The following CAMKMT variants were observed in gnomAD, a reference collection of about 807,000 sequenced individuals.
CAMKMT encodes calmodulin-lysine N-methyltransferase.
A neutral mutation model predicts 48.0 loss-of-function variants in CAMKMT; 53 were observed. The ratio of observed to expected loss-of-function variants is 1.10; its 90% CI spans 0.89 to 1.39. CAMKMT has a LOEUF of 1.39. CAMKMT is among the 40% of genes most tolerant of loss of function. CAMKMT has a pLI of 0.00. For missense variants in CAMKMT, 428 were observed against 402.7 expected (o/e 1.06, Z -0.54); for synonymous variants, 165 against 152.3 (o/e 1.08, Z -0.61).
chr2:44,551,051 C>A (rs141362089), intron 3 of CAMKMT, among the ~76,000 whole-genome samples: 54 of 152,272 alleles, frequency 3.5e-4, no homozygotes, highest in African/African-American at 1.3e-3. Flanking sequence ...TAAAAAGTCT[C>A]ATCTATTCTA....
chr2:44,761,658 G>A (rs567817754), intron 9 of CAMKMT, among the ~76,000 whole-genome samples: 2 of 152,334 alleles, frequency 1.3e-5, no homozygotes, highest in East Asian at 3.9e-4. Flanking sequence ...AGTGATGCAG[G>A]TAGGGGGATG....
At chr2:44,495,992 T>A (rs1332994606) in intron 3 of CAMKMT, among the ~76,000 whole-genome samples, 1 of 152,218 alleles carries the variant, frequency 6.6e-6, no homozygotes, top group Non-Finnish European at 1.5e-5. Flanking sequence ...CAGTGAATAA[T>A]CCTTAAATAC....
intron 2 of CAMKMT, among the ~76,000 whole-genome samples, chr2:44,375,826 C>A (rs1166243862): frequency 6.6e-6 from 1 of 151,746 alleles, no homozygotes; most frequent in Non-Finnish European, 1.5e-5. Context: ...CAATCTGTCA[C>A]CCAGGCTGGA....
chr2:44,365,452 A>C (rs1238038387), intron 1 of CAMKMT, among the ~76,000 whole-genome samples: 1 of 152,226 alleles, frequency 6.6e-6, no homozygotes, highest in Admixed American at 6.5e-5. Context: ...TGATGAATCA[A>C]TATCAGTAGA....
chr2:44,669,669 G>A (rs959913940), intron 3 of CAMKMT, among the ~76,000 whole-genome samples: 1 of 151,298 alleles, frequency 6.6e-6, no homozygotes, highest in Non-Finnish European at 1.5e-5. Context: ...ACAGGGTCTC[G>A]CTCTGTCACC....
At chr2:44,466,636 C>G (rs1023489941) in intron 3 of CAMKMT, among the ~76,000 whole-genome samples, 1 of 151,576 alleles carries the variant, frequency 6.6e-6, no homozygotes, top group African/African-American at 2.4e-5. Context: ...AATCCCGAAG[C>G]TAGTAGAAGG....
At chr2:44,591,263 TA>T (rs1252771013) in intron 3 of CAMKMT, among the ~76,000 whole-genome samples, 4 of 152,122 alleles carry the variant, frequency 2.6e-5, no homozygotes, top group Non-Finnish European at 5.9e-5. Flanking sequence ...ATATGAACTT[TA>T]AAGTAGTTTT....
intron 3 of CAMKMT, among the ~76,000 whole-genome samples, chr2:44,656,635 C>T (rs1674392292): frequency 6.6e-6 from 1 of 152,120 alleles, no homozygotes; most frequent in Non-Finnish European, 1.5e-5. Flanking sequence ...CTCTGTTTCA[C>T]TGAGCACGCT....
intron 3 of CAMKMT, among the ~76,000 whole-genome samples, chr2:44,420,048 G>A (rs997182315): frequency 6.6e-6 from 1 of 152,048 alleles, no homozygotes; most frequent in Non-Finnish European, 1.5e-5. Flanking sequence ...AAGTTTAGGT[G>A]AATACTCAGG....
At chr2:44,556,962 C>G (rs1282118234) in intron 3 of CAMKMT, among the ~76,000 whole-genome samples, 1 of 152,024 alleles carries the variant, frequency 6.6e-6, no homozygotes, top group Non-Finnish European at 1.5e-5. Context: ...AAGTTTATTT[C>G]AGGGAGAAAA....
chr2:44,585,049 C>T (rs1406880479), intron 3 of CAMKMT, among the ~76,000 whole-genome samples: 8 of 149,408 alleles, frequency 5.4e-5, no homozygotes, highest in Admixed American at 1.3e-4. Flanking sequence ...AGCGAGACTC[C>T]GTCTGAAAAA....
At chr2:44,733,265 G>A (rs1421468016) in intron 7 of CAMKMT, among the ~76,000 whole-genome samples, 1 of 152,078 alleles carries the variant, frequency 6.6e-6, no homozygotes, top group Non-Finnish European at 1.5e-5. Flanking sequence ...ATATTTTTAT[G>A]CTATTATAAA....
At position 44,741,829 on chromosome 2, in the gene CAMKMT, A is replaced by G. The variant is rs188040918; in HGVS notation, c.624-1793A>G. ...TGTCTTTGTTGAACCAAGGGGCTGA[A>G]GCACCTCAGGAATACAGCATCCACT... On this transcript the variant is annotated intron_variant, in intron 7 of 10. Coordinates refer to ENST00000378494, the MANE Select transcript of CAMKMT (RefSeq NM_024766.5). 9.8e-5 allele frequency among the ~76,000 whole-genome samples: 15 copies of G among 152,310 alleles called. No individual in the cohort carries two copies. The East Asian group carries it at 2.9e-3, about 29-fold the overall frequency.
chr2:44,757,594 C>T (rs1487090821), intron 9 of CAMKMT, among the ~76,000 whole-genome samples: 7 of 147,994 alleles, frequency 4.7e-5, no homozygotes, highest in Non-Finnish European at 1.0e-4. Context: ...GATGGAGTCT[C>T]GCTCTGTCAC....
intron 3 of CAMKMT, among the ~76,000 whole-genome samples, chr2:44,658,899 C>A (rs983573537): frequency 1.3e-5 from 2 of 152,078 alleles, no homozygotes; most frequent in Non-Finnish European, 2.9e-5. Context: ...AGTACTCATG[C>A]TTAATTTCTG....
intron 3 of CAMKMT, among the ~76,000 whole-genome samples, chr2:44,447,740 G>A (rs926603329): frequency 1.3e-5 from 2 of 152,172 alleles, no homozygotes; most frequent in African/African-American, 4.8e-5. Context: ...GTTGTCAGTA[G>A]GGCATAAAAG....
chr2:44,465,311 A>G (rs1435881418), intron 3 of CAMKMT, among the ~76,000 whole-genome samples: 1 of 152,118 alleles, frequency 6.6e-6, no homozygotes, highest in African/African-American at 2.4e-5. Context: ...AAAATCAATG[A>G]AACAGGCTGG....
At chr2:44,743,127 G>T (rs1467651708) in intron 7 of CAMKMT, among the ~76,000 whole-genome samples, 1 of 152,110 alleles carries the variant, frequency 6.6e-6, no homozygotes, top group Non-Finnish European at 1.5e-5. Flanking sequence ...TAAAAACCAA[G>T]AACTACCAAA....
At chr2:44,511,677 A>G (rs1039446223) in intron 3 of CAMKMT, among the ~76,000 whole-genome samples, 1 of 152,154 alleles carries the variant, frequency 6.6e-6, no homozygotes, top group Non-Finnish European at 1.5e-5. Flanking sequence ...CTGAAAGTAA[A>G]AAGGTACTTC....
Sources: allele counts gnomAD v4.1 joint callset (sites outside exome capture counted in the v4.1 genomes callset), GRCh38; gene constraint gnomAD v4.1.1; transcripts MANE v1.5; gene names NCBI Gene and HGNC (gene_info 2026-07-23, HGNC 2026-07-21).